Variants in CRACR2A observed in about 807,000 individuals in gnomAD.
CRACR2A encodes the protein calcium release activated channel regulator 2A.
CRACR2A carries 79 observed loss-of-function variants against 90.5 expected under a neutral mutation model. That is an observed-to-expected ratio of 0.87 (90% CI 0.73 to 1.05). The LOEUF (loss-of-function observed/expected upper bound fraction) is 1.05. CRACR2A is among the 50% of genes least tolerant of loss of function. The pLI is 0.00. For synonymous variants in CRACR2A, 338 were observed against 356.7 expected (o/e 0.95, Z 0.59); for missense variants, 823 against 897.2 (o/e 0.92, Z 1.06).
intron 7 of CRACR2A, among the ~76,000 whole-genome samples, chr12:3,671,657 A>C (rs1335933068): frequency 6.6e-6 from 1 of 152,220 alleles, no homozygotes; most frequent in Non-Finnish European, 1.5e-5. Context: ...GTTGTCTGGA[A>C]GGATACAGGG....
intron 1 of CRACR2A, among the ~76,000 whole-genome samples, chr12:3,750,141 G>A (rs1266460559): frequency 7.1e-6 from 1 of 141,004 alleles, no homozygotes; most frequent in Non-Finnish European, 1.5e-5. Context: ...TTGCCACGTT[G>A]GCCAGGCTGG....
intron 17 of CRACR2A, among the ~76,000 whole-genome samples, chr12:3,623,531 A>C (rs1371457281): frequency 6.6e-6 from 1 of 152,166 alleles, no homozygotes; most frequent in Non-Finnish European, 1.5e-5. Flanking sequence ...CAGGCCCCAG[A>C]GTCTTCTGAT....
At chr12:3,687,960 T>C (rs1166257979) in intron 4 of CRACR2A, among the ~76,000 whole-genome samples, 1 of 152,232 alleles carries the variant, frequency 6.6e-6, no homozygotes, top group African/African-American at 2.4e-5. Flanking sequence ...CTTTTTTTCA[T>C]ATGCTTGTTG....
Position 3,673,364 on chromosome 12 carries a change from CAGA to C in CRACR2A, c.671+79_671+81del. ...AAGGAGGCATTGCACGATGTTTTGGCAGAAGATCTAAGAGAAAGTGCACCGTGT... is the reference window on the plus strand; with the variant it reads ...AAGGAGGCATTGCACGATGTTTTGGCAGATCTAAGAGAAAGTGCACCGTGT... On this transcript the variant is annotated intron_variant, in intron 7 of 19. Coordinates refer to ENST00000440314, the MANE Select transcript of CRACR2A (RefSeq NM_001144958.2). The C allele has an allele frequency of 2.0e-6, 3 of 1,513,080 alleles. No homozygotes were observed. In the South Asian group the frequency reaches 4.0e-5, roughly 20 times the overall value. 93.7% of individuals were successfully genotyped at this position (1,513,080 alleles called of 1,614,324 possible).
At chr12:3,747,671 C>A (rs1406939155) in intron 1 of CRACR2A, among the ~76,000 whole-genome samples, 1 of 152,198 alleles carries the variant, frequency 6.6e-6, no homozygotes, top group East Asian at 1.9e-4. Context: ...TGGTAGCCAA[C>A]CTCCCACGTC....
At position 3,619,271 on chromosome 12, in the gene CRACR2A, C is replaced by T. The variant is rs1227456040; in HGVS notation, c.2034G>A (p.Thr678=). The change falls in exon 18 of 20, where the codon ACG becomes ACA. Residue 678 remains threonine, a splice_region_variant and synonymous_variant. Coordinates refer to ENST00000440314, the MANE Select transcript of CRACR2A (RefSeq NM_001144958.2). ...AGAGATGGAAATGCTTGCTCTTTACCGTGGCAAGCTGCTCTCCGAGGCCCC... is the reference window on the plus strand; with the variant it reads ...AGAGATGGAAATGCTTGCTCTTTACTGTGGCAAGCTGCTCTCCGAGGCCCC... ...VPRGLGEQLA[T]ENNLIFYECS... is the part of the protein sequence containing the mutation. 7.7e-6 allele frequency: 12 copies of T among 1,550,314 alleles called. No homozygotes were observed. Among genetic ancestry groups the T allele is most frequent in the South Asian group, 2.4e-5 (2 of 84,052 alleles).
In CRACR2A at chr12:3,640,839, A is replaced by G. The variant is rs557350948; in HGVS notation, c.1271+893T>C. 18 of 1,298,428 alleles carry G rather than the reference A, an allele frequency of 1.4e-5. No homozygotes were observed. In the South Asian group the frequency reaches 2.0e-4, roughly 14 times the overall value. The allele number at this position is 1,298,428 out of a possible 1,614,324, so 80.4% of individuals were successfully genotyped here. On this transcript the variant is annotated intron_variant, in intron 13 of 19. Transcript: ENST00000440314. ...GGGCAGGGGACTGGTTTGTCTCTCAATGAGCAATGAGCCAACCCTTGGGTA... is the reference window on the plus strand; with the variant it reads ...GGGCAGGGGACTGGTTTGTCTCTCAGTGAGCAATGAGCCAACCCTTGGGTA...
intron 7 of CRACR2A, among the ~76,000 whole-genome samples, chr12:3,672,048 C>A (rs1272479397): frequency 6.6e-6 from 1 of 152,178 alleles, no homozygotes; most frequent in African/African-American, 2.4e-5. Context: ...GCTTTGGGAG[C>A]CTCTCCCCAG....
chr12:3,696,729 T>C (rs111889784), intron 4 of CRACR2A, 43 bp downstream of exon 4: 2 of 1,612,754 alleles, frequency 1.2e-6, no homozygotes, highest in Non-Finnish European at 1.7e-6. Flanking sequence ...CAGGAAGACA[T>C]CTGGCATTCT....
intron 1 of CRACR2A, among the ~76,000 whole-genome samples, chr12:3,735,304 G>A (rs1229688327): frequency 6.6e-6 from 1 of 152,158 alleles, no homozygotes; most frequent in South Asian, 2.1e-4. Context: ...TCCTAGGACA[G>A]GGTGCACGCA....
intron 7 of CRACR2A, among the ~76,000 whole-genome samples, chr12:3,662,196 T>C (rs1565479778): frequency 6.6e-6 from 1 of 152,126 alleles, no homozygotes; most frequent in Admixed American, 6.5e-5. Context: ...GACTCATATA[T>C]GGAAGCAAGC....
At position 3,654,234 on chromosome 12, in the gene CRACR2A, T is replaced by G; in HGVS notation, c.1024A>C (p.Lys342Gln). ...QLESLQQEACKLHQEKEMEVY... is the reference protein window; with the variant it reads ...QLESLQQEACQLHQEKEMEVY... ...CACATCTCCTTCTCTTGGTGGAGTTTGCAGGCCTCTTGCTGGAGGCTTTCC... is the reference window on the plus strand; with the variant it reads ...CACATCTCCTTCTCTTGGTGGAGTTGGCAGGCCTCTTGCTGGAGGCTTTCC... Residue 342 changes from lysine to glutamine, a missense_variant, in exon 10 of 20, where the codon AAA becomes CAA. Lys to Gln is a moderately conservative substitution (Grantham distance 53, BLOSUM62 1). Coordinates refer to ENST00000440314, the MANE Select transcript of CRACR2A (RefSeq NM_001144958.2). The G allele has an allele frequency of 6.2e-7, 1 of 1,613,082 alleles. No homozygotes were observed.
chr12:3,730,900 C>T (rs546218114), intron 2 of CRACR2A: 1 of 152,312 alleles, frequency 6.6e-6, no homozygotes, highest in African/African-American at 2.4e-5. Flanking sequence ...TTCTATAGCG[C>T]TTTAATTTTT....
chr12:3,734,167 C>T (rs542898187), intron 1 of CRACR2A, among the ~76,000 whole-genome samples: 5 of 151,542 alleles, frequency 3.3e-5, no homozygotes, highest in East Asian at 1.9e-4. Context: ...TTAGTAGAGA[C>T]GGGGTTTCAC....
intron 17 of CRACR2A, among the ~76,000 whole-genome samples, chr12:3,622,914 A>C (rs1171304832): frequency 6.6e-6 from 1 of 152,172 alleles, no homozygotes; most frequent in Non-Finnish European, 1.5e-5. Context: ...GAGAAAAAAA[A>C]ATCAAACTGC....
intron 1 of CRACR2A, among the ~76,000 whole-genome samples, chr12:3,734,120 G>A (rs1408994852): frequency 2.0e-5 from 3 of 151,352 alleles, no homozygotes; most frequent in Non-Finnish European, 4.4e-5. Context: ...ACAGGCGCCC[G>A]CCACCACACC....
At chr12:3,710,213 T>C (rs1945987800) in intron 3 of CRACR2A, among the ~76,000 whole-genome samples, 1 of 152,198 alleles carries the variant, frequency 6.6e-6, no homozygotes, top group South Asian at 2.1e-4. Context: ...TATTTCCTGT[T>C]CTCTCAGCTT....
At chr12:3,691,570 A>G (rs1016998441) in intron 4 of CRACR2A, among the ~76,000 whole-genome samples, 1 of 151,734 alleles carries the variant, frequency 6.6e-6, no homozygotes, top group Non-Finnish European at 1.5e-5. Flanking sequence ...TGCCTTTAAC[A>G]TTTTTTCTTT....
chr12:3,672,789 G>A, intron 7 of CRACR2A: 1 of 985,432 alleles, frequency 1.0e-6, no homozygotes. Flanking sequence ...GAGTGAGGAG[G>A]ACTCTGGGTT....
Sources: allele counts gnomAD v4.1 joint callset (sites outside exome capture counted in the v4.1 genomes callset), GRCh38; gene constraint gnomAD v4.1.1; transcripts MANE v1.5; gene names NCBI Gene and HGNC (gene_info 2026-07-23, HGNC 2026-07-21).